The following ITGBL1 variants were observed in gnomAD, a reference collection of about 807,000 sequenced individuals.
ITGBL1 encodes the protein integrin subunit beta like 1.
A neutral mutation model predicts 68.5 loss-of-function variants in ITGBL1; 51 were observed. That is an observed-to-expected ratio of 0.74 (90% CI 0.59 to 0.94). ITGBL1 has a LOEUF of 0.94. Ranked by LOEUF, ITGBL1 falls within the 40% of genes least tolerant of loss-of-function variation. ITGBL1 has a pLI of 0.00. For synonymous variants in ITGBL1, 209 were observed against 227.3 expected, an observed-to-expected ratio of 0.92 and a Z score of 0.72; for missense variants, 649 against 647.4, an observed-to-expected ratio of 1.00 and a Z score of -0.03.
intron 7 of ITGBL1, among the ~76,000 whole-genome samples, chr13:101,617,257 T>A (rs1324112425): frequency 9.2e-5 from 14 of 152,054 alleles, no homozygotes; most frequent in Non-Finnish European, 8.8e-5. Context: ...TTTTAAAAAA[T>A]TGGAATAAAA....
chr13:101,678,364 A>G (rs549857016), intron 7 of ITGBL1, among the ~76,000 whole-genome samples: 2 of 152,330 alleles, frequency 1.3e-5, no homozygotes, highest in South Asian at 4.1e-4. Context: ...TTGTGAAGGA[A>G]AGTATATTAT....
intron 8 of ITGBL1, among the ~76,000 whole-genome samples, chr13:101,702,453 G>T (rs1023458191): frequency 2.0e-5 from 3 of 151,922 alleles, no homozygotes; most frequent in African/African-American, 7.3e-5. Flanking sequence ...TTACATCACT[G>T]ATTTTATATT....
chr13:101,558,530 G>A (rs912983071), intron 2 of ITGBL1, among the ~76,000 whole-genome samples: 1 of 152,210 alleles, frequency 6.6e-6, no homozygotes, highest in East Asian at 1.9e-4. Context: ...CAAAGAGAAC[G>A]GAGAATGTCT....
At chr13:101,458,944 A>AT (rs368528248) in intron 2 of ITGBL1, among the ~76,000 whole-genome samples, 3 of 152,116 alleles carry the variant, frequency 2.0e-5, no homozygotes, top group African/African-American at 7.2e-5. Flanking sequence ...CAGAATTATT[A>AT]TTTTTTTAAA....
At chr13:101,591,564 G>C (rs1207755198) in intron 6 of ITGBL1, among the ~76,000 whole-genome samples, 3 of 151,974 alleles carry the variant, frequency 2.0e-5, no homozygotes, top group East Asian at 1.9e-4. Flanking sequence ...CTAAAAATTA[G>C]TTAAATGGTG....
intron 7 of ITGBL1, among the ~76,000 whole-genome samples, chr13:101,664,128 GTGAAATACAAAGGCTCTGAAAATA>G (rs1388344108): frequency 6.6e-6 from 1 of 152,156 alleles, no homozygotes; most frequent in Non-Finnish European, 1.5e-5. Context: ...AGTGTTATTT[GTGAAATACAAAGGCTCTGAAAATA>G]AGTGGACTGG....
chr13:101,511,549 G>C (rs2049115888), intron 2 of ITGBL1, among the ~76,000 whole-genome samples: 1 of 152,102 alleles, frequency 6.6e-6, no homozygotes, highest in Non-Finnish European at 1.5e-5. Flanking sequence ...ATTTTACTGG[G>C]TGGGGTTGAC....
chr13:101,666,577 T>A (rs1252097571), intron 7 of ITGBL1, among the ~76,000 whole-genome samples: 1 of 152,210 alleles, frequency 6.6e-6, no homozygotes, highest in African/African-American at 2.4e-5. Flanking sequence ...TTGTTTGATC[T>A]GTACCACTGG....
chr13:101,560,833 C>G (rs1594891023), intron 2 of ITGBL1, among the ~76,000 whole-genome samples: 1 of 152,234 alleles, frequency 6.6e-6, no homozygotes, highest in Admixed American at 6.5e-5. Context: ...TGTAGCATCA[C>G]AGGTTTTGGG....
intron 2 of ITGBL1, among the ~76,000 whole-genome samples, chr13:101,470,297 T>G (rs2048439518): frequency 6.6e-6 from 1 of 152,134 alleles, no homozygotes; most frequent in Non-Finnish European, 1.5e-5. Flanking sequence ...GATAGTATAA[T>G]ATAGGCATTA....
chr13:101,682,366 A>G (rs539990454), intron 7 of ITGBL1, among the ~76,000 whole-genome samples: 2 of 152,278 alleles, frequency 1.3e-5, no homozygotes, highest in Non-Finnish European at 2.9e-5. Context: ...TATTAAAATA[A>G]TAGTATTTTG....
At chr13:101,586,044 A>G (rs1438521723) in intron 6 of ITGBL1, among the ~76,000 whole-genome samples, 1 of 152,046 alleles carries the variant, frequency 6.6e-6, no homozygotes, top group Non-Finnish European at 1.5e-5. Context: ...TCCTGAACTG[A>G]CACTTCAATC....
At chr13:101,458,205 C>T (rs1400444045) in intron 2 of ITGBL1, among the ~76,000 whole-genome samples, 1 of 152,112 alleles carries the variant, frequency 6.6e-6, no homozygotes, top group African/African-American at 2.4e-5. Flanking sequence ...TATGAGGGCT[C>T]CATTGAGCCA....
intron 2 of ITGBL1, among the ~76,000 whole-genome samples, chr13:101,470,265 A>G (rs1025462773): frequency 6.6e-6 from 1 of 152,182 alleles, no homozygotes; most frequent in African/African-American, 2.4e-5. Context: ...ATAATTATTT[A>G]ATGCATGTCC....
At chr13:101,654,995 C>A (rs1266458280) in intron 7 of ITGBL1, among the ~76,000 whole-genome samples, 1 of 152,094 alleles carries the variant, frequency 6.6e-6, no homozygotes, top group African/African-American at 2.4e-5. Flanking sequence ...TTAAATTTCA[C>A]AGACATTAGG....
chr13:101,641,442 TTGTC>T (rs1382361882), intron 7 of ITGBL1, among the ~76,000 whole-genome samples: 1 of 152,020 alleles, frequency 6.6e-6, no homozygotes, highest in Admixed American at 6.5e-5. Context: ...GATTTTTTGA[TTGTC>T]TATTTATGTC....
At chr13:101,712,603 A>G (rs1393419181) in intron 9 of ITGBL1, 1 of 152,258 alleles carries the variant, frequency 6.6e-6, no homozygotes, top group East Asian at 1.9e-4. Flanking sequence ...ACAACTAAAG[A>G]CAGCCAAATA....
intron 7 of ITGBL1, among the ~76,000 whole-genome samples, chr13:101,668,020 T>A (rs1594967237): frequency 6.6e-6 from 1 of 152,306 alleles, no homozygotes; most frequent in African/African-American, 2.4e-5. Context: ...TTAGCTTACA[T>A]TTTGTTGCCT....
intron 7 of ITGBL1, among the ~76,000 whole-genome samples, chr13:101,599,229 G>A (rs2030195844): frequency 6.6e-6 from 1 of 151,724 alleles, no homozygotes. Flanking sequence ...CTGCATAAAT[G>A]TCTTCTTTTG....
Sources: allele counts gnomAD v4.1 joint callset (sites outside exome capture counted in the v4.1 genomes callset), GRCh38; gene constraint gnomAD v4.1.1; transcripts MANE v1.5; gene names NCBI Gene and HGNC (gene_info 2026-07-23, HGNC 2026-07-21).